The following PCNX2 variants were observed in gnomAD, a reference collection of about 807,000 sequenced individuals.
The protein encoded by PCNX2 is pecanex 2.
PCNX2 carries 168 observed loss-of-function variants against 223.8 expected under a neutral mutation model. The observed-to-expected ratio is 0.75, with a 90% CI of 0.66 to 0.85. The LOEUF is 0.85. Ranked by LOEUF, PCNX2 falls within the 40% of genes least tolerant of loss-of-function variation. The pLI, the probability that PCNX2 is intolerant of heterozygous loss-of-function variation, is 0.00. For missense variants in PCNX2, 2,507 were observed against 2,675.5 expected (o/e 0.94, Z 1.39); for synonymous variants, 1,006 against 1,052.6 (o/e 0.96, Z 0.86).
intron 23 of PCNX2, chr1:233,087,005 CAG>C: frequency 1.0e-6 from 1 of 984,648 alleles, no homozygotes; most frequent in Non-Finnish European, 1.2e-6. Context: ...AAAAGGCAGA[CAG>C]GGGACACATT....
At chr1:233,118,560 T>C (rs1377410260) in intron 21 of PCNX2, among the ~76,000 whole-genome samples, 1 of 149,076 alleles carries the variant, frequency 6.7e-6, no homozygotes, top group African/African-American at 2.5e-5. Flanking sequence ...ATCTATTGTA[T>C]CTCTATATGC....
At chr1:233,090,553 ATAAT>A (rs1365552214) in intron 22 of PCNX2, among the ~76,000 whole-genome samples, 3 of 152,230 alleles carry the variant, frequency 2.0e-5, no homozygotes, top group Non-Finnish European at 4.4e-5. Context: ...AGCTTTGTAA[ATAAT>A]TAATATTAGA....
At chr1:233,038,344 C>CAGAAGAGTCCTT (rs984463933) in intron 25 of PCNX2, among the ~76,000 whole-genome samples, 1 of 152,196 alleles carries the variant, frequency 6.6e-6, no homozygotes. Flanking sequence ...CAACTCTACT[C>CAGAAGAGTCCTT]AGAAGAGTCC....
At chr1:233,153,622 T>G (rs1677949321) in intron 19 of PCNX2, among the ~76,000 whole-genome samples, 1 of 152,070 alleles carries the variant, frequency 6.6e-6, no homozygotes, top group Admixed American at 6.5e-5. Flanking sequence ...AGATAAATTC[T>G]TATCTTTTAT....
chr1:233,074,087 T>G (rs1672977020), intron 23 of PCNX2, among the ~76,000 whole-genome samples: 1 of 152,202 alleles, frequency 6.6e-6, no homozygotes, highest in Admixed American at 6.5e-5. Flanking sequence ...GTGTTTTAAT[T>G]TATATATATT....
chr1:233,149,851 C>T (rs7538377), intron 19 of PCNX2, among the ~76,000 whole-genome samples: 77,535 of 151,200 alleles, frequency 0.51, 20,906 homozygotes, highest in South Asian at 0.59. Context: ...GTCCCATGCC[C>T]TCAATCCTCT....
intron 12 of PCNX2, 23 bp downstream of exon 12, chr1:233,217,876 C>T (rs1401618279): frequency 6.2e-7 from 1 of 1,613,686 alleles, no homozygotes; most frequent in East Asian, 2.2e-5. Flanking sequence ...AGAAAAGCTA[C>T]TTGCCTGTAT....
At position 233,103,214 on chromosome 1, in the gene PCNX2, G is replaced by A. The variant is rs371025434; in HGVS notation, c.3838-7351C>T. ...ATATTTTGGTATAGGCATGCAATAC[G>A]TAATAATCACATCATGGAAAATTGG... On this transcript the variant is annotated intron_variant, in intron 21 of 33. Coordinates refer to ENST00000258229, the MANE Select transcript of PCNX2 (RefSeq NM_014801.4). Among the ~76,000 whole-genome samples the A allele has an allele frequency of 1.2e-4, 18 of 152,172 alleles. 1 individual carries two copies. Among genetic ancestry groups the A allele is most frequent in the Admixed American group, 3.3e-4 (5 of 15,284 alleles).
At position 233,085,718 on chromosome 1, in the gene PCNX2, A is replaced by G. The variant is rs552665237; in HGVS notation, c.4076+4343T>C. ...TTACTCACTAGAAAACTTTTGCTGA[A>G]GCCCTGAGGCCACCATGCTCTCAGG... On this transcript the variant is annotated intron_variant, in intron 23 of 33. Transcript: ENST00000258229. Among the ~76,000 whole-genome samples the G allele has an allele frequency of 1.6e-4, 24 of 152,316 alleles. No individual in the cohort carries two copies. The South Asian group carries it at 5.0e-3, about 32-fold the overall frequency.
chr1:233,027,238 G>A (rs1168489546), intron 25 of PCNX2, among the ~76,000 whole-genome samples: 1 of 152,178 alleles, frequency 6.6e-6, no homozygotes, highest in South Asian at 2.1e-4. Context: ...CAATATGGAG[G>A]TGTATGTTGA....
Position 233,244,071 on chromosome 1 carries a change from C to T in PCNX2, c.2222+6668G>A, listed in dbSNP as rs554593098. Among the ~76,000 whole-genome samples the T allele has an allele frequency of 7.2e-5, 11 of 152,188 alleles. No individual in the cohort carries two copies. In the South Asian group the frequency reaches 1.4e-3, roughly 20 times the overall value. On this transcript the variant is annotated intron_variant, in intron 8 of 33. Coordinates refer to ENST00000258229, the MANE Select transcript of PCNX2 (RefSeq NM_014801.4). ...GTCTTGAACTCCTGACCTTGTGATCCGCCCGCCATGGCCTCCCAAAGTGCT... is the reference window on the plus strand; with the variant it reads ...GTCTTGAACTCCTGACCTTGTGATCTGCCCGCCATGGCCTCCCAAAGTGCT...
intron 28 of PCNX2, among the ~76,000 whole-genome samples, chr1:233,003,523 G>C (rs1418916192): frequency 6.6e-6 from 1 of 152,192 alleles, no homozygotes; most frequent in South Asian, 2.1e-4. Context: ...AGAGGATATG[G>C]AGAAATACAG....
intron 28 of PCNX2, among the ~76,000 whole-genome samples, chr1:233,004,794 C>A (rs549899224): frequency 6.6e-6 from 1 of 152,312 alleles, no homozygotes; most frequent in African/African-American, 2.4e-5. Context: ...ATCTAGGACT[C>A]CCTTGAGAAA....
chr1:233,048,724 A>C (rs893110199), intron 25 of PCNX2, among the ~76,000 whole-genome samples: 6 of 152,196 alleles, frequency 3.9e-5, no homozygotes, highest in Admixed American at 2.0e-4. Flanking sequence ...CCAAAAGTTG[A>C]TTTGAAAGGA....
At chr1:233,113,013 TTAAGG>T (rs770533302) in intron 21 of PCNX2, 2 of 1,288,590 alleles carry the variant, frequency 1.6e-6, no homozygotes, top group African/African-American at 3.0e-5. Context: ...CTGTAAATCT[TTAAGG>T]GATGTGTAGG....
chr1:233,194,299 A>G (rs78409640), intron 15 of PCNX2, among the ~76,000 whole-genome samples: 8,361 of 151,926 alleles, frequency 0.055, 701 homozygotes, highest in African/African-American at 0.19. Context: ...ACCAGTGAAG[A>G]TATCCTTCAA....
At chr1:233,145,467 T>C (rs1186512772) in intron 19 of PCNX2, among the ~76,000 whole-genome samples, 10 of 152,180 alleles carry the variant, frequency 6.6e-5, no homozygotes, top group African/African-American at 2.4e-4. Flanking sequence ...ACAACTTCTA[T>C]TTCCCCCAGC....
Position 233,258,559 on chromosome 1 carries a change from G to C in PCNX2, c.1303C>G (p.Leu435Val), listed in dbSNP as rs1240888156. The change falls in exon 5 of 34, where the codon CTG becomes GTG. Residue 435 changes from leucine to valine, a missense_variant. Leu to Val is a conservative substitution (Grantham distance 32). Coordinates refer to ENST00000258229, the MANE Select transcript of PCNX2 (RefSeq NM_014801.4). ...ACACCTCCTCCCCCACCCTCAGGCAGGTCCAGGGTGATTACAGGAATTGAG... is the reference window on the plus strand; with the variant it reads ...ACACCTCCTCCCCCACCCTCAGGCACGTCCAGGGTGATTACAGGAATTGAG... ...QISIPVITLD[L>V]PEGGGGGVPC... 1.2e-6 allele frequency: 2 copies of C among 1,613,978 alleles called. No individual in the cohort carries two copies. The highest frequency in any genetic ancestry group is 1.7e-6 in the Non-Finnish European group (2 of 1,179,884).
intron 13 of PCNX2, among the ~76,000 whole-genome samples, chr1:233,205,517 A>T (rs1039414931): frequency 1.3e-5 from 2 of 152,140 alleles, no homozygotes; most frequent in Admixed American, 1.3e-4. Flanking sequence ...AACATGGTGA[A>T]ACCCCGTATC....
Sources: gnomAD v4.1 joint callset for allele counts (sites outside exome capture counted in the v4.1 genomes callset) on GRCh38, gnomAD v4.1.1 for gene constraint, MANE v1.5 for transcripts, NCBI Gene and HGNC (gene_info 2026-07-23, HGNC 2026-07-21) for gene names.